Variants in ACAD9 observed in about 807,000 individuals in gnomAD.
ACAD9 encodes acyl-CoA dehydrogenase family member 9.
Under a neutral mutation model 70.2 loss-of-function variants are expected in ACAD9, and 53 were observed. The observed-to-expected ratio is 0.75, with a 90% CI of 0.61 to 0.95. ACAD9 has a LOEUF of 0.95. Among genes scored for constraint, ACAD9 ranks in the 40% least tolerant of loss-of-function variants. ACAD9 has a pLI of 0.00. For synonymous variants in ACAD9, 313 were observed against 312.1 expected (o/e 1.00, Z -0.03); for missense variants, 777 against 802.8 (o/e 0.97, Z 0.39).
chr3:128,879,631 GT>G lies in ACAD9; in HGVS notation c.-60del, dbSNP rs752950882. On this transcript the variant is annotated 5_prime_UTR_variant, in exon 1 of 18. Coordinates refer to ENST00000308982, the MANE Select transcript of ACAD9 (RefSeq NM_014049.5). ...GGGCCAGTAACGTCATCAGACGTGT[GT>G]GTGTCCCTGCGGCGCTAAGAAGGGG... 6.3e-7 allele frequency: 1 copy of G among 1,597,940 alleles called. No homozygotes were observed.
intron 1 of ACAD9, among the ~76,000 whole-genome samples, chr3:128,884,297 G>A (rs1261158199): frequency 6.6e-6 from 1 of 152,170 alleles, no homozygotes; most frequent in African/African-American, 2.4e-5. Flanking sequence ...TTTGGTGAAG[G>A]CCACATAATG....
intron 2 of ACAD9, among the ~76,000 whole-genome samples, chr3:128,890,144 G>A (rs924309851): frequency 6.7e-6 from 1 of 150,366 alleles, no homozygotes; most frequent in African/African-American, 2.5e-5. Context: ...CTTTTTTTTT[G>A]AGATGCCATC....
chr3:128,909,680 G>C (rs537329893), intron 15 of ACAD9: 2 of 602,706 alleles, frequency 3.3e-6, no homozygotes, highest in Non-Finnish European at 5.9e-6. Context: ...CCCTAGAATC[G>C]GGAGGGCAGC....
At position 128,912,650 on chromosome 3, in the gene ACAD9, G is replaced by GTTAAGAAA; in HGVS notation, c.*43_*44insTTAAGAAA. 7 of 1,509,924 alleles carry GTTAAGAAA rather than the reference G, an allele frequency of 4.6e-6. No homozygotes were observed. Among genetic ancestry groups the GTTAAGAAA allele is most frequent in the Non-Finnish European group, 6.5e-6 (7 of 1,085,138 alleles). The allele number at this position is 1,509,924 out of a possible 1,614,324, so 93.5% of individuals were successfully genotyped here. ...CCTGCTACCGCCCGCCCCTACCCATGGCCCGTTGCTGGATGACTGTTACTC... is the reference window on the plus strand; with the variant it reads ...CCTGCTACCGCCCGCCCCTACCCATGTTAAGAAAGCCCGTTGCTGGATGACTGTTACTC... On this transcript the variant is annotated 3_prime_UTR_variant, in exon 18 of 18. Transcript: ENST00000308982.
At chr3:128,883,842 G>T (rs1258625383) in intron 1 of ACAD9, among the ~76,000 whole-genome samples, 1 of 152,134 alleles carries the variant, frequency 6.6e-6, no homozygotes, top group East Asian at 1.9e-4. Context: ...CTGATTAGCT[G>T]TACAAGGTCT....
intron 1 of ACAD9, 125 bp downstream of exon 1, chr3:128,879,966 C>T: frequency 6.4e-7 from 1 of 1,564,194 alleles, no homozygotes; most frequent in South Asian, 1.2e-5. Context: ...GCGGCCGAGG[C>T]GTGTTAACAC....
intron 2 of ACAD9, among the ~76,000 whole-genome samples, chr3:128,889,386 C>T (rs772885306): frequency 6.6e-6 from 1 of 152,088 alleles, no homozygotes; most frequent in Non-Finnish European, 1.5e-5. Flanking sequence ...GCTCTGCCAC[C>T]TAGGTTGTGT....
chr3:128,892,422 A>T (rs1462245628), intron 2 of ACAD9, among the ~76,000 whole-genome samples: 2 of 152,232 alleles, frequency 1.3e-5, no homozygotes, highest in African/African-American at 4.8e-5. Flanking sequence ...AATACTGATG[A>T]AGTTTAATTA....
In ACAD9 at chr3:128,911,348, G is replaced by A. The variant is rs369311963; in HGVS notation, c.1765+535G>A. On this transcript the variant is annotated intron_variant, in intron 17 of 17. Transcript: ENST00000308982. ...GCTGGGATTACAGGCATGAGCCACCGCACCGGGCCTGCCAAGGCAATTTTA... is the reference window on the plus strand; with the variant it reads ...GCTGGGATTACAGGCATGAGCCACCACACCGGGCCTGCCAAGGCAATTTTA... 1.5e-4 allele frequency among the ~76,000 whole-genome samples: 23 copies of A among 152,152 alleles called. No individual in the cohort carries two copies. In the East Asian group the frequency reaches 2.1e-3, roughly 14 times the overall value.
chr3:128,906,951 C>T (rs949658541), intron 12 of ACAD9, among the ~76,000 whole-genome samples: 2 of 152,148 alleles, frequency 1.3e-5, no homozygotes, highest in South Asian at 2.1e-4. Context: ...GGAAATGCCC[C>T]CAGGGGCTCA....
chr3:128,902,491 C>T lies in ACAD9; in HGVS notation c.883-62C>T, dbSNP rs1014608030. ...CAAGCTGATCCACCTGGCCTGGTTT[C>T]GTTGCGGCCTCCTCCCTCTGCCTCC... is the stretch of plus-strand genomic sequence containing the variant. On this transcript the variant is annotated intron_variant, in intron 8 of 17. Transcript: ENST00000308982. This position sits in a 1 kb window ranked among gnomAD's most constrained non-coding sequence, Gnocchi z 4.0. The T allele has an allele frequency of 4.9e-5, 77 of 1,570,946 alleles. 1 individual carries two copies. The Admixed American group carries it at 5.7e-4, about 12-fold the overall frequency.
chr3:128,899,523 GGTGTGT>G lies in ACAD9; in HGVS notation c.808+97_808+102del, dbSNP rs63473460. The G allele has an allele frequency of 4.2e-3, 4,442 of 1,066,450 alleles. 3 individuals carry two copies. The highest frequency in any genetic ancestry group is 0.01 in the East Asian group (361 of 35,434). The allele number at this position is 1,066,450 out of a possible 1,614,324, so 66.1% of individuals were successfully genotyped here. A position where few individuals can be genotyped will look rare whatever the true frequency, so the allele number is the denominator to read the frequency against. ...TGTAAGGGGGAGACTGGCCTTTGAC[GGTGTGT>G]GTGTGTGTGTGTGTGTGTGTGTGTG... is the stretch of plus-strand genomic sequence containing the variant. On this transcript the variant is annotated intron_variant, in intron 7 of 17. Transcript: ENST00000308982.
chr3:128,881,632 C>G (rs1284158189), intron 1 of ACAD9, among the ~76,000 whole-genome samples: 2 of 152,208 alleles, frequency 1.3e-5, no homozygotes, highest in Non-Finnish European at 2.9e-5. Context: ...AATGACCTCT[C>G]TGTTATCAAA....
chr3:128,901,375 T>G (rs778247406), intron 8 of ACAD9, 26 bp downstream of exon 8: 1 of 1,613,298 alleles, frequency 6.2e-7, no homozygotes, highest in East Asian at 2.2e-5. Context: ...CAGCCCCTTG[T>G]ACCAGGTAGT....
chr3:128,908,732 A>C, intron 13 of ACAD9: 1 of 602,860 alleles, frequency 1.7e-6, no homozygotes. Context: ...CACAGGAGAC[A>C]GCTGCTGGGA....
chr3:128,893,681 GC>G, intron 3 of ACAD9, 25 bp downstream of exon 3: 2 of 1,584,430 alleles, frequency 1.3e-6, no homozygotes, highest in Non-Finnish European at 1.7e-6. Context: ...CAAGCACCCA[GC>G]CAGTTTAGCT....
Position 128,884,683 on chromosome 3 carries a change from C to T in ACAD9, c.181C>T (p.Gln61Ter). 2 of 1,612,298 alleles carry T rather than the reference C, an allele frequency of 1.2e-6. No homozygotes were observed. Among genetic ancestry groups the T allele is most frequent in the East Asian group, 2.2e-5 (1 of 44,836 alleles). Residue 61 changes from glutamine to a stop codon, truncating the protein, a stop_gained, in exon 2 of 18, where the codon CAA becomes TAA. Transcript: ENST00000308982. LOFTEE classifies it high-confidence loss of function. ...AGTTTTCCCATTTCCAGAAGTTAGC[C>T]AAGATGAACTTAATGAAATCAATCA... ...KEVFPFPEVS[Q>*]DELNEINQFL...
intron 3 of ACAD9, among the ~76,000 whole-genome samples, chr3:128,894,702 A>T (rs117512973): frequency 2.0e-5 from 3 of 151,080 alleles, no homozygotes; most frequent in Non-Finnish European, 4.4e-5. Context: ...TGCCTGGTGA[A>T]TTTTTTTTAT....
rs1936519048 is a variant in ACAD9 at position 128,913,015 on chromosome 3, T to G, written c.*408T>G. 2 of 459,368 alleles carry G rather than the reference T, an allele frequency of 4.4e-6. No individual in the cohort carries two copies. The highest frequency in any genetic ancestry group is 8.7e-6 in the Non-Finnish European group (2 of 230,320). The allele number at this position is 459,368 out of a possible 1,614,324, so 28.5% of individuals were successfully genotyped here. A position where few individuals can be genotyped will look rare whatever the true frequency, so the allele number is the denominator to read the frequency against. On this transcript the variant is annotated 3_prime_UTR_variant, in exon 18 of 18. Transcript: ENST00000308982. ...TCTCTAAGAAACAGCTTGAAAGCTC[T>G]GTCTGGGTCATTCATTTAAACTAGA...
Sources: allele counts gnomAD v4.1 joint callset (sites outside exome capture counted in the v4.1 genomes callset), GRCh38; gene constraint gnomAD v4.1.1; non-coding constraint Gnocchi (gnomAD v3.1); transcripts MANE v1.5; gene names NCBI Gene and HGNC (gene_info 2026-07-23, HGNC 2026-07-21).